PCDHA1: variants seen among roughly 807,000 people sequenced by gnomAD.
PCDHA1 encodes protocadherin alpha 1.
In PCDHA1, 42 loss-of-function variants were observed where a neutral mutation model predicts 61.3. The ratio of observed to expected loss-of-function variants is 0.69; its 90% CI spans 0.54 to 0.89. PCDHA1 has a LOEUF of 0.89. PCDHA1 is among the 40% of genes least tolerant of loss of function. The pLI, the probability that PCDHA1 is intolerant of heterozygous loss-of-function variation, is 0.00. For synonymous variants in PCDHA1, 610 were observed against 553.8 expected (o/e 1.10, Z -1.43); for missense variants, 1,256 against 1,235.3 (o/e 1.02, Z -0.25).
intron 1 of PCDHA1, among the ~76,000 whole-genome samples, chr5:140,916,438 A>G (rs975528805): frequency 4.6e-5 from 7 of 152,234 alleles, no homozygotes; most frequent in Admixed American, 4.6e-4. Flanking sequence ...TAAGGCCCAC[A>G]GTATACTACC....
chr5:140,830,745 T>G (rs1375923138), intron 1 of PCDHA1: 1 of 192,554 alleles, frequency 5.2e-6, no homozygotes, highest in Non-Finnish European at 1.1e-5. Context: ...TGTCGTTTTC[T>G]GTTGCATTTT....
intron 1 of PCDHA1, chr5:140,828,964 CCACTTTAGCA>C (rs1251585912): frequency 6.2e-7 from 1 of 1,614,030 alleles, no homozygotes; most frequent in African/African-American, 1.3e-5. Context: ...TGGTTATTGA[CCACTTTAGCA>C]TAGATCGAAA....
At position 140,887,760 on chromosome 5, in the gene PCDHA1, A is replaced by AT. The variant is rs1233050056; in HGVS notation, c.2395-91188dup. On this transcript the variant is annotated intron_variant, in intron 1 of 3. Coordinates refer to ENST00000504120, the MANE Select transcript of PCDHA1 (RefSeq NM_018900.4). Reference sequence around the variant, plus strand: ...CCTTTCTGAGACTCCAGTAACACATATGTTACAATGACACAGGTCATTGAA... The same window carrying AT: ...CCTTTCTGAGACTCCAGTAACACATATTGTTACAATGACACAGGTCATTGAA... Among the ~76,000 whole-genome samples, 21 of 152,264 alleles carry AT rather than the reference A, an allele frequency of 1.4e-4. No individual in the cohort carries two copies. In the East Asian group the frequency reaches 4.1e-3, roughly 29 times the overall value.
intron 1 of PCDHA1, chr5:140,843,679 C>A (rs2150364894): frequency 1.3e-6 from 2 of 1,589,886 alleles, no homozygotes; most frequent in African/African-American, 1.3e-5. Context: ...TTGATGTAGG[C>A]GAAGAGCAAG....
At chr5:140,935,894 CTT>C (rs55841305) in intron 1 of PCDHA1, among the ~76,000 whole-genome samples, 8 of 136,706 alleles carry the variant, frequency 5.9e-5, no homozygotes, top group Non-Finnish European at 3.1e-5. Context: ...TCAATATTAT[CTT>C]TTTTTTTTTT....
chr5:140,928,573 A>G (rs1353807568), intron 1 of PCDHA1: 2 of 1,614,110 alleles, frequency 1.2e-6, no homozygotes, highest in African/African-American at 1.3e-5. Context: ...TCCCTTGCCC[A>G]GAAATGGTTC....
chr5:140,903,121 C>A (rs2070010801), intron 1 of PCDHA1, among the ~76,000 whole-genome samples: 2 of 152,188 alleles, frequency 1.3e-5, no homozygotes, highest in Non-Finnish European at 2.9e-5. Flanking sequence ...ACTTCTAAAT[C>A]TTTAAGAAAT....
At position 140,823,576 on chromosome 5, in the gene PCDHA1, G is replaced by A. The variant is rs2150127070; in HGVS notation, c.2394+34892G>A. 4 of 1,613,976 alleles carry A rather than the reference G, an allele frequency of 2.5e-6. No individual in the cohort carries two copies. In the East Asian group the frequency reaches 6.7e-5, roughly 27 times the overall value. On this transcript the variant is annotated intron_variant, in intron 1 of 3. Coordinates refer to ENST00000504120, the MANE Select transcript of PCDHA1 (RefSeq NM_018900.4). ...GGTGCGCGCAGTGGACCCTGATTCG[G>A]GCTACAACGCTTGGCTTTCGTATGA...
At chr5:140,862,844 C>G (rs782433146) in intron 1 of PCDHA1, 1 of 571,262 alleles carries the variant, frequency 1.8e-6, no homozygotes. Flanking sequence ...GGCATGCCGC[C>G]TCTGAGCAGC....
chr5:140,849,665 G>T (rs1255665975), intron 1 of PCDHA1: 1 of 1,598,534 alleles, frequency 6.3e-7, no homozygotes, highest in East Asian at 2.2e-5. Flanking sequence ...GCTCCCTGAC[G>T]CCCCACGTCC....
At chr5:140,982,608 T>G (rs782789536) in intron 3 of PCDHA1, 45 bp downstream of exon 3, 2 of 1,601,306 alleles carry the variant, frequency 1.2e-6, no homozygotes, top group South Asian at 2.2e-5. Flanking sequence ...TTCTGGAAAG[T>G]GATCAGATGA....
At position 140,927,036 on chromosome 5, in the gene PCDHA1, C is replaced by A. The variant is rs137875923; in HGVS notation, c.2395-51913C>A. On this transcript the variant is annotated intron_variant, in intron 1 of 3. Transcript: ENST00000504120. ...CCGCGGACTTGAGGCTGCCAGCGGC[C>A]GCTATGTCCTCGCGGAACTTTCGCT... 9.3e-6 allele frequency: 15 copies of A among 1,612,314 alleles called. No homozygotes were observed. In the East Asian group the frequency reaches 3.3e-4, roughly 36 times the overall value.
At chr5:140,967,425 C>T in intron 1 of PCDHA1, 1 of 1,613,294 alleles carries the variant, frequency 6.2e-7, no homozygotes, top group Non-Finnish European at 8.5e-7. Flanking sequence ...CGGGAGCAGG[C>T]AGCCTTGCAC....
chr5:140,941,193 TTC>T (rs1491512649), intron 1 of PCDHA1, among the ~76,000 whole-genome samples: 2 of 116,638 alleles, frequency 1.7e-5, no homozygotes, highest in Admixed American at 1.7e-4. Flanking sequence ...TTCTTTTTTT[TTC>T]TTTCTTCCTT....
chr5:140,945,455 A>G (rs2093793181), intron 1 of PCDHA1, among the ~76,000 whole-genome samples: 1 of 152,192 alleles, frequency 6.6e-6, no homozygotes, highest in African/African-American at 2.4e-5. Flanking sequence ...AACTTCCCTA[A>G]AATTTGCATG....
intron 1 of PCDHA1, chr5:140,836,577 T>A: frequency 6.2e-7 from 1 of 1,613,654 alleles, no homozygotes; most frequent in East Asian, 2.2e-5. Context: ...TGAGGGCGCA[T>A]GTAGTTTGGT....
chr5:140,967,935 A>G (rs186453952), intron 1 of PCDHA1: 13 of 1,614,214 alleles, frequency 8.1e-6, no homozygotes, highest in South Asian at 4.4e-5. Flanking sequence ...CTCAGTGTCA[A>G]TGACCAAGAC....
intron 1 of PCDHA1, chr5:140,802,145 T>A (rs1554121894): frequency 2.5e-6 from 4 of 1,614,236 alleles, no homozygotes; most frequent in Non-Finnish European, 2.5e-6. Flanking sequence ...GTAAGTCATA[T>A]GAAATCCAGG....
Position 140,797,020 on chromosome 5 carries a change from G to A in PCDHA1, c.2394+8336G>A, listed in dbSNP as rs538442586. On this transcript the variant is annotated intron_variant, in intron 1 of 3. Transcript: ENST00000504120. ...GGCCTCGTCGCGGGCGTGGGTGGGC[G>A]CCGCGGGCTCAGAGGCTACGCTGGT... 7.4e-6 allele frequency: 12 copies of A among 1,613,712 alleles called. No individual in the cohort carries two copies. The East Asian group carries it at 2.5e-4, about 33-fold the overall frequency.
Sources: gnomAD v4.1 joint callset for allele counts (sites outside exome capture counted in the v4.1 genomes callset) on GRCh38, gnomAD v4.1.1 for gene constraint, MANE v1.5 for transcripts, NCBI Gene and HGNC (gene_info 2026-07-23, HGNC 2026-07-21) for gene names.